Variants in DCC observed in about 807,000 individuals in gnomAD.
DCC encodes the protein netrin receptor DCC.
A neutral mutation model predicts 172.5 loss-of-function variants in DCC; 58 were observed. That is an observed-to-expected ratio of 0.34 (90% CI 0.27 to 0.42). The LOEUF (loss-of-function observed/expected upper bound fraction) is 0.42, where lower values mean the gene tolerates loss of function less well. Ranked by LOEUF, DCC falls within the 10% of genes least tolerant of loss-of-function variation. DCC has a pLI of 1.00. For missense variants in DCC, 1,740 were observed against 1,791.0 expected, an observed-to-expected ratio of 0.97 and a Z score of 0.51; for synonymous variants, 709 against 644.5, an observed-to-expected ratio of 1.10 and a Z score of -1.52.
Position 53,340,563 on chromosome 18 carries a change from C to T in DCC, c.2359+656C>T, listed in dbSNP as rs73467227. 5.6e-3 allele frequency among the ~76,000 whole-genome samples: 857 copies of T among 152,202 alleles called. 7 individuals are homozygous for T. Among genetic ancestry groups the T allele is most frequent in the African/African-American group, 0.02 (813 of 41,522 alleles). On this transcript the variant is annotated intron_variant, in intron 15 of 28. Coordinates refer to ENST00000442544, the MANE Select transcript of DCC (RefSeq NM_005215.4). ...TCATTTTTTACTGAATACAATACTT[C>T]AGTTGTGATATTCTGAATTCATTGA...
At chr18:52,468,349 G>A (rs1988848278) in intron 1 of DCC, among the ~76,000 whole-genome samples, 1 of 152,190 alleles carries the variant, frequency 6.6e-6, no homozygotes, top group African/African-American at 2.4e-5. Context: ...AGAGCACAAG[G>A]AGCAGAGACA....
intron 22 of DCC, among the ~76,000 whole-genome samples, chr18:53,447,420 A>G (rs1049390284): frequency 4.6e-5 from 7 of 152,212 alleles, no homozygotes; most frequent in Admixed American, 1.3e-4. Flanking sequence ...TTGTAATGGG[A>G]GTCCTCATGA....
At chr18:53,326,462 TC>T (rs2057469367) in intron 14 of DCC, among the ~76,000 whole-genome samples, 1 of 152,228 alleles carries the variant, frequency 6.6e-6, no homozygotes, top group Admixed American at 6.5e-5. Flanking sequence ...TGGTTTCCTT[TC>T]TTTCCTTCTG....
At chr18:53,241,620 G>C (rs2056296213) in intron 12 of DCC, among the ~76,000 whole-genome samples, 1 of 152,192 alleles carries the variant, frequency 6.6e-6, no homozygotes, top group African/African-American at 2.4e-5. Context: ...GAACCAGGCA[G>C]AGGTACCTCT....
intron 8 of DCC, among the ~76,000 whole-genome samples, chr18:53,175,431 T>A (rs2055076524): frequency 6.6e-6 from 1 of 152,046 alleles, no homozygotes; most frequent in Non-Finnish European, 1.5e-5. Context: ...GAAAACCCCA[T>A]CGTCTCAACC....
chr18:52,969,270 GT>G (rs1568217840), intron 5 of DCC, among the ~76,000 whole-genome samples: 3 of 152,044 alleles, frequency 2.0e-5, no homozygotes, highest in African/African-American at 7.2e-5. Flanking sequence ...TCCTCTGGTT[GT>G]CCTATGGGCA....
intron 7 of DCC, among the ~76,000 whole-genome samples, chr18:53,148,865 C>CTATT: frequency 9.1e-6 from 1 of 109,782 alleles, no homozygotes; most frequent in East Asian, 2.6e-4. Flanking sequence ...TTCCCAATGC[C>CTATT]TTTTTTTTTT....
chr18:52,390,083 A>C (rs1316064314), intron 1 of DCC, among the ~76,000 whole-genome samples: 2 of 151,688 alleles, frequency 1.3e-5, no homozygotes, highest in African/African-American at 4.8e-5. Context: ...TAAGGTTTCT[A>C]TGCTTTCCCC....
At chr18:52,656,085 TG>T (rs2035246827) in intron 1 of DCC, among the ~76,000 whole-genome samples, 10 of 146,988 alleles carry the variant, frequency 6.8e-5, no homozygotes, top group Admixed American at 6.2e-4. Flanking sequence ...TATATATGTG[TG>T]TGTGTGTATA....
intron 5 of DCC, among the ~76,000 whole-genome samples, chr18:53,007,882 T>A (rs1490487727): frequency 6.6e-6 from 1 of 152,116 alleles, no homozygotes; most frequent in Non-Finnish European, 1.5e-5. Context: ...CTTTGTGACC[T>A]AAAAACCGCC....
intron 17 of DCC, among the ~76,000 whole-genome samples, chr18:53,396,347 C>T (rs547118620): frequency 6.6e-6 from 1 of 152,046 alleles, no homozygotes; most frequent in African/African-American, 2.4e-5. Context: ...TGGATTAAAC[C>T]TTGCATCATG....
At chr18:53,110,648 A>G (rs373173909) in intron 7 of DCC, among the ~76,000 whole-genome samples, 42 of 150,350 alleles carry the variant, frequency 2.8e-4, no homozygotes, top group African/African-American at 1.0e-3. Context: ...ACATGAAAAA[A>G]TGCTCACCAT....
At chr18:53,518,890 A>ATCTG (rs1208952679) in intron 27 of DCC, among the ~76,000 whole-genome samples, 1 of 152,156 alleles carries the variant, frequency 6.6e-6, no homozygotes, top group African/African-American at 2.4e-5. Context: ...TTTTTAGAGT[A>ATCTG]TCTGTTTGAA....
At chr18:53,013,715 ATCTGAG>A (rs2041765870) in intron 5 of DCC, among the ~76,000 whole-genome samples, 1 of 151,594 alleles carries the variant, frequency 6.6e-6, no homozygotes, top group South Asian at 2.1e-4. Context: ...AAAAAAAAAA[ATCTGAG>A]TCTAATTCTT....
At chr18:52,830,687 G>C (rs2038598141) in intron 2 of DCC, among the ~76,000 whole-genome samples, 1 of 152,132 alleles carries the variant, frequency 6.6e-6, no homozygotes, top group Non-Finnish European at 1.5e-5. Flanking sequence ...CATTGTTCTA[G>C]ACTGAAGTTA....
intron 1 of DCC, among the ~76,000 whole-genome samples, chr18:52,659,840 C>T (rs1244143521): frequency 6.6e-6 from 1 of 151,954 alleles, no homozygotes; most frequent in African/African-American, 2.4e-5. Context: ...CCACCGTGAC[C>T]ATGGATAACA....
chr18:52,718,898 T>G (rs1000404639), intron 1 of DCC, among the ~76,000 whole-genome samples: 2 of 152,174 alleles, frequency 1.3e-5, no homozygotes, highest in African/African-American at 4.8e-5. Context: ...TTAAGGCATT[T>G]CACAAATTGG....
At chr18:53,496,946 G>C (rs1032866142) in intron 26 of DCC, among the ~76,000 whole-genome samples, 2 of 152,094 alleles carry the variant, frequency 1.3e-5, no homozygotes, top group African/African-American at 4.8e-5. Context: ...GAGTAAAAAA[G>C]GAAATAAAAC....
intron 1 of DCC, among the ~76,000 whole-genome samples, chr18:52,713,934 C>G (rs1050832662): frequency 6.6e-6 from 1 of 152,138 alleles, no homozygotes; most frequent in African/African-American, 2.4e-5. Context: ...AGTAAATAAG[C>G]AGGTCTTATG....
Sources: allele counts gnomAD v4.1 joint callset (sites outside exome capture counted in the v4.1 genomes callset), GRCh38; gene constraint gnomAD v4.1.1; transcripts MANE v1.5; gene names NCBI Gene and HGNC (gene_info 2026-07-23, HGNC 2026-07-21).